The following SNTG1 variants were observed in gnomAD, a reference collection of about 807,000 sequenced individuals.
SNTG1 encodes gamma-1-syntrophin.
In SNTG1, 39 loss-of-function variants were observed where a neutral mutation model predicts 74.7. The observed-to-expected ratio is 0.52, with a 90% CI of 0.40 to 0.68. SNTG1 has a LOEUF of 0.68. Among genes scored for constraint, SNTG1 ranks in the 30% least tolerant of loss-of-function variants. The probability of loss-of-function intolerance (pLI) is 0.00; values close to 1 mark genes in which losing one functional copy is unlikely to be tolerated. For synonymous variants in SNTG1, 254 were observed against 217.1 expected, an observed-to-expected ratio of 1.17 and a Z score of -1.49; for missense variants, 685 against 609.5, an observed-to-expected ratio of 1.12 and a Z score of -1.30.
chr8:50,435,256 T>A (rs898774244), intron 4 of SNTG1, among the ~76,000 whole-genome samples: 2 of 152,146 alleles, frequency 1.3e-5, no homozygotes, highest in Non-Finnish European at 2.9e-5. Flanking sequence ...AAAGGCATTA[T>A]ATATATATGA....
intron 2 of SNTG1, among the ~76,000 whole-genome samples, chr8:50,200,208 C>A (rs117377719): frequency 6.6e-6 from 1 of 152,150 alleles, no homozygotes; most frequent in African/African-American, 2.4e-5. Flanking sequence ...AGTATCTCCA[C>A]TTTACACTGA....
intron 5 of SNTG1, among the ~76,000 whole-genome samples, chr8:50,442,402 G>A (rs1433378890): frequency 6.6e-6 from 1 of 152,034 alleles, no homozygotes; most frequent in Non-Finnish European, 1.5e-5. Flanking sequence ...GAAGGAGACA[G>A]CCATGCCTCC....
At chr8:50,705,317 CT>C (rs1280625371) in intron 16 of SNTG1, among the ~76,000 whole-genome samples, 1 of 152,132 alleles carries the variant, frequency 6.6e-6, no homozygotes, top group Non-Finnish European at 1.5e-5. Context: ...ATATAATGTA[CT>C]TTTCTGGTTT....
rs376885448 is a variant in SNTG1 at position 50,118,361 on chromosome 8, G to T, written c.-102-54200G>T. 3.2e-4 allele frequency among the ~76,000 whole-genome samples: 49 copies of T among 152,246 alleles called. 2 individuals carry two copies. Among genetic ancestry groups the T allele is most frequent in the East Asian group, 2.1e-3 (11 of 5,170 alleles). ...TCAATATTTTATTTCAAATAAATATGTTGGAAATGATAAGAAAATGAACTA... is the reference window on the plus strand; with the variant it reads ...TCAATATTTTATTTCAAATAAATATTTTGGAAATGATAAGAAAATGAACTA... On this transcript the variant is annotated intron_variant, in intron 1 of 18. Coordinates refer to ENST00000642720, the MANE Select transcript of SNTG1 (RefSeq NM_018967.5).
At chr8:50,399,827 T>C (rs1424202992) in intron 3 of SNTG1, among the ~76,000 whole-genome samples, 1 of 152,230 alleles carries the variant, frequency 6.6e-6, no homozygotes, top group East Asian at 1.9e-4. Flanking sequence ...TGAAAGATTT[T>C]TGTCCTCTAG....
At chr8:50,024,742 T>A (rs1053401335) in intron 1 of SNTG1, among the ~76,000 whole-genome samples, 1 of 152,260 alleles carries the variant, frequency 6.6e-6, no homozygotes, top group Admixed American at 6.5e-5. Flanking sequence ...TGTCTCTCTC[T>A]CGAGATATTT....
chr8:50,043,188 C>G (rs1030643827), intron 1 of SNTG1, among the ~76,000 whole-genome samples: 1 of 152,032 alleles, frequency 6.6e-6, no homozygotes, highest in Non-Finnish European at 1.5e-5. Flanking sequence ...TACAAATTTT[C>G]TTTATCAGTA....
In SNTG1 at chr8:50,299,448, T is replaced by C. The variant is rs1290346850; in HGVS notation, c.-27-94764T>C. ...TAAGAGGGGCATTCAAGTAAACTCTTTGGAATCTTACAAAGTTTTCAAATA... is the reference window on the plus strand; with the variant it reads ...TAAGAGGGGCATTCAAGTAAACTCTCTGGAATCTTACAAAGTTTTCAAATA... On this transcript the variant is annotated intron_variant, in intron 2 of 18. Transcript: ENST00000642720. Among the ~76,000 whole-genome samples the C allele has an allele frequency of 2.6e-5, 4 of 152,120 alleles. No individual in the cohort carries two copies. In the East Asian group the frequency reaches 5.8e-4, roughly 22 times the overall value.
chr8:50,039,251 C>T (rs1474178398), intron 1 of SNTG1, among the ~76,000 whole-genome samples: 2 of 151,896 alleles, frequency 1.3e-5, no homozygotes, highest in Non-Finnish European at 2.9e-5. Context: ...GTCAGGAGAT[C>T]GAGACCATCC....
intron 13 of SNTG1, among the ~76,000 whole-genome samples, chr8:50,627,477 C>A (rs2094964292): frequency 1.3e-5 from 2 of 152,096 alleles, no homozygotes; most frequent in African/African-American, 4.8e-5. Context: ...GCCCAGCTTT[C>A]CAGAGCCTTG....
intron 2 of SNTG1, among the ~76,000 whole-genome samples, chr8:50,194,781 A>T (rs534228711): frequency 1.3e-5 from 2 of 150,548 alleles, no homozygotes; most frequent in South Asian, 4.2e-4. Flanking sequence ...GTGCTCTTTC[A>T]TTTTTTTTGA....
At chr8:50,093,800 G>T (rs1209721656) in intron 1 of SNTG1, among the ~76,000 whole-genome samples, 2 of 152,136 alleles carry the variant, frequency 1.3e-5, no homozygotes, top group African/African-American at 2.4e-5. Context: ...GTAGTGAAAA[G>T]CCATCAAGCA....
intron 2 of SNTG1, among the ~76,000 whole-genome samples, chr8:50,254,853 GAAAAA>G (rs11377291): frequency 1.4e-4 from 20 of 142,602 alleles, no homozygotes; most frequent in Admixed American, 2.8e-4. Context: ...ACTCCTCAAA[GAAAAA>G]AAAAAAAAAG....
intron 1 of SNTG1, among the ~76,000 whole-genome samples, chr8:50,071,479 A>G (rs1277567593): frequency 6.6e-6 from 1 of 152,102 alleles, no homozygotes; most frequent in African/African-American, 2.4e-5. Flanking sequence ...ATATACATAT[A>G]CATATTTATT....
intron 2 of SNTG1, chr8:50,286,531 G>C (rs1022894484): frequency 2.0e-5 from 3 of 152,120 alleles, no homozygotes; most frequent in African/African-American, 7.2e-5. Flanking sequence ...CTTGATATTT[G>C]TATTAGGAGG....
intron 2 of SNTG1, among the ~76,000 whole-genome samples, chr8:50,373,024 CTG>C (rs779825053): frequency 0.05 from 7,640 of 152,240 alleles, 250 homozygotes; most frequent in Non-Finnish European, 0.07. Context: ...TTTAGCTATT[CTG>C]CATGTATATA....
At chr8:50,053,130 A>G (rs1819718184) in intron 1 of SNTG1, among the ~76,000 whole-genome samples, 1 of 152,184 alleles carries the variant, frequency 6.6e-6, no homozygotes, top group African/African-American at 2.4e-5. Context: ...TTTTACAAAA[A>G]GGGTCATAGT....
chr8:50,102,993 T>A (rs1586280747), intron 1 of SNTG1, among the ~76,000 whole-genome samples: 1 of 151,700 alleles, frequency 6.6e-6, no homozygotes, highest in African/African-American at 2.4e-5. Context: ...TCAGGTAGTG[T>A]GATGCCTCCA....
At chr8:50,644,368 C>G (rs1318353964) in intron 13 of SNTG1, 1 of 152,322 alleles carries the variant, frequency 6.6e-6, no homozygotes, top group Non-Finnish European at 1.5e-5. Context: ...AATACCTCCT[C>G]TTCCTCTTCC....
Sources: gnomAD v4.1 joint callset for allele counts (sites outside exome capture counted in the v4.1 genomes callset) on GRCh38, gnomAD v4.1.1 for gene constraint, MANE v1.5 for transcripts, NCBI Gene and HGNC (gene_info 2026-07-23, HGNC 2026-07-21) for gene names.